Variants in DCDC1 observed in about 807,000 individuals in gnomAD.
The protein encoded by DCDC1 is doublecortin domain-containing protein 1.
Under a neutral mutation model 178.3 loss-of-function variants are expected in DCDC1, and 200 were observed. The observed-to-expected ratio is 1.12, with a 90% CI of 1.00 to 1.26. The LOEUF is 1.26. DCDC1 is among the 50% of genes most tolerant of loss of function. The probability of loss-of-function intolerance (pLI) is 0.00; values close to 1 mark genes in which losing one functional copy is unlikely to be tolerated. For missense variants in DCDC1, 1,983 were observed against 1,749.2 expected (o/e 1.13, Z -2.38); for synonymous variants, 690 against 604.8 (o/e 1.14, Z -2.07).
At chr11:31,002,340 C>G (rs1951623267) in intron 20 of DCDC1, among the ~76,000 whole-genome samples, 1 of 152,134 alleles carries the variant, frequency 6.6e-6, no homozygotes, top group African/African-American at 2.4e-5. Context: ...TTTAACATTT[C>G]TATATTCCAC....
intron 35 of DCDC1, among the ~76,000 whole-genome samples, chr11:30,893,705 GA>G (rs1302044841): frequency 6.6e-6 from 1 of 152,106 alleles, no homozygotes; most frequent in African/African-American, 2.4e-5. Flanking sequence ...TCATTTTGAT[GA>G]AAAACTTCAC....
At position 30,916,872 on chromosome 11, in the gene DCDC1, G is replaced by A. The variant is rs143028801; in HGVS notation, c.3450C>T (p.His1150=). 1 of 1,600,196 alleles carries A rather than the reference G, an allele frequency of 6.2e-7. No individual in the cohort carries two copies. The highest frequency in any genetic ancestry group is 8.5e-7 in the Non-Finnish European group (1 of 1,174,612). Residue 1150 remains histidine (H), a splice_region_variant and synonymous_variant, in exon 26 of 39, where the codon CAC becomes CAT. Coordinates refer to ENST00000684477, the MANE Select transcript of DCDC1 (RefSeq NM_001387274.1). ...LFENVEPQKK[H]SCSPKHSKLH... is the part of the protein sequence containing the mutation. ...AGGAATCCTTTGCAACTTTTTACCT[G>A]TGTTTCTTCTGTGGTTCCACATTTT...
At chr11:31,183,165 C>A (rs1969045185) in intron 9 of DCDC1, among the ~76,000 whole-genome samples, 2 of 152,128 alleles carry the variant, frequency 1.3e-5, no homozygotes, top group Non-Finnish European at 2.9e-5. Context: ...AGATTTAACA[C>A]CCCAATGTCA....
chr11:30,945,175 G>T (rs1947934445), intron 21 of DCDC1, among the ~76,000 whole-genome samples: 1 of 151,214 alleles, frequency 6.6e-6, no homozygotes, highest in Admixed American at 6.6e-5. Flanking sequence ...CACTATGTTG[G>T]TCAGGCTGGT....
chr11:30,987,823 C>T (rs575714433), intron 20 of DCDC1, among the ~76,000 whole-genome samples: 35 of 152,154 alleles, frequency 2.3e-4, no homozygotes, highest in South Asian at 4.2e-4. Flanking sequence ...TTCTCATCAG[C>T]TATCAGCTAT....
rs1039576587 is a variant in DCDC1, at chr11:31,068,920, C to T, written c.2299-3767G>A. 4.0e-5 allele frequency among the ~76,000 whole-genome samples: 6 copies of T among 151,566 alleles called. No homozygotes were observed. The East Asian group carries it at 9.7e-4, about 25-fold the overall frequency. On this transcript the variant is annotated intron_variant, in intron 18 of 38. Coordinates refer to ENST00000684477, the MANE Select transcript of DCDC1 (RefSeq NM_001387274.1). ...ATGCTGGAATGCAGTGGTGCAATCT[C>T]GGCTCACTGCAAGCTCCGCTTCCTG...
rs111648044 is a variant in DCDC1, at chr11:31,276,830, C to T, written c.961-11230G>A. On this transcript the variant is annotated intron_variant, in intron 7 of 38. Transcript: ENST00000684477. ...ATGATTTGAAAAGGCAGCTATTTCT[C>T]GTGAATTTGTGTTCTGTGGTGTTTT... is the stretch of plus-strand genomic sequence containing the variant. Among the ~76,000 whole-genome samples, 1,259 of 152,030 alleles carry T rather than the reference C, an allele frequency of 8.3e-3. 22 individuals carry two copies. The highest frequency in any genetic ancestry group is 0.029 in the African/African-American group (1,204 of 41,494).
At chr11:31,217,505 T>A (rs923003287) in intron 9 of DCDC1, among the ~76,000 whole-genome samples, 3 of 152,160 alleles carry the variant, frequency 2.0e-5, no homozygotes, top group Admixed American at 6.6e-5. Flanking sequence ...TATCCATCTA[T>A]AAGTTAGACA....
intron 11 of DCDC1, among the ~76,000 whole-genome samples, chr11:31,123,107 TGTG>T (rs1441954755): frequency 6.6e-6 from 1 of 151,996 alleles, no homozygotes; most frequent in Non-Finnish European, 1.5e-5. Context: ...GCCCACAGTG[TGTG>T]GTATTTCAAC....
chr11:31,283,522 C>A (rs774872000), intron 7 of DCDC1, among the ~76,000 whole-genome samples: 1 of 151,446 alleles, frequency 6.6e-6, no homozygotes, highest in Non-Finnish European at 1.5e-5. Context: ...GTTTAAATGT[C>A]TTTTTCTGTT....
At position 30,904,960 on chromosome 11, in the gene DCDC1, C is replaced by G. The variant is rs1040786091; in HGVS notation, c.4308+1G>C. The G allele has an allele frequency of 1.9e-6, 3 of 1,613,710 alleles. No homozygotes were observed. The highest frequency in any genetic ancestry group is 1.7e-6 in the Non-Finnish European group (2 of 1,179,656). On this transcript the variant is annotated splice_donor_variant, in intron 31 of 38. Transcript: ENST00000684477. LOFTEE classifies it high-confidence loss of function. ...GCAGCATTTAAGTGATAGCCACTTA[C>G]CATGGGGAATGTTCCAGCCACAATT...
intron 15 of DCDC1, among the ~76,000 whole-genome samples, chr11:31,094,677 ATC>A (rs1438421064): frequency 6.6e-6 from 1 of 152,158 alleles, no homozygotes; most frequent in Non-Finnish European, 1.5e-5. Context: ...AGGAAGCTTA[ATC>A]AATGTGTCTT....
intron 9 of DCDC1, among the ~76,000 whole-genome samples, chr11:31,205,676 T>A (rs1971782199): frequency 6.6e-6 from 1 of 152,180 alleles, no homozygotes; most frequent in Non-Finnish European, 1.5e-5. Context: ...TATGCATAGG[T>A]ATTTCCAATC....
intron 20 of DCDC1, among the ~76,000 whole-genome samples, chr11:31,054,097 C>A (rs1353830978): frequency 6.6e-6 from 1 of 151,988 alleles, no homozygotes; most frequent in Non-Finnish European, 1.5e-5. Flanking sequence ...CAGAGATCTC[C>A]TAAGACTAAT....
chr11:31,010,554 C>T (rs1952112053), intron 20 of DCDC1, among the ~76,000 whole-genome samples: 1 of 152,178 alleles, frequency 6.6e-6, no homozygotes, highest in South Asian at 2.1e-4. Context: ...AACAGAATAA[C>T]ATCCCATCAC....
At chr11:31,205,309 A>T (rs1033836933) in intron 9 of DCDC1, among the ~76,000 whole-genome samples, 1 of 152,214 alleles carries the variant, frequency 6.6e-6, no homozygotes, top group Non-Finnish European at 1.5e-5. Flanking sequence ...TGGTACACAA[A>T]GCCTAAAATA....
intron 25 of DCDC1, among the ~76,000 whole-genome samples, chr11:30,918,134 AAAAGTC>A (rs1374326875): frequency 6.6e-6 from 1 of 152,188 alleles, no homozygotes; most frequent in Non-Finnish European, 1.5e-5. Context: ...GGAAAAAAAA[AAAAGTC>A]ATTCTTAGTT....
At chr11:30,878,736 G>C (rs1565015756) in intron 37 of DCDC1, 25 bp from the exon 38 acceptor site, 1 of 1,470,198 alleles carries the variant, frequency 6.8e-7, no homozygotes, top group Non-Finnish European at 9.2e-7. Flanking sequence ...AAAAAAAGAA[G>C]TTGAGAGACA....
intron 20 of DCDC1, among the ~76,000 whole-genome samples, chr11:31,030,855 G>C (rs1258512566): frequency 3.5e-5 from 4 of 113,546 alleles, no homozygotes; most frequent in South Asian, 2.7e-4. Flanking sequence ...TATTTCCCAG[G>C]GCAAGAAAAA....
Sources: allele counts gnomAD v4.1 joint callset (sites outside exome capture counted in the v4.1 genomes callset), GRCh38; gene constraint gnomAD v4.1.1; transcripts MANE v1.5; gene names NCBI Gene and HGNC (gene_info 2026-07-23, HGNC 2026-07-21).